The following NPIPB2 variants were observed in gnomAD, a reference collection of about 807,000 sequenced individuals.
NPIPB2 encodes nuclear pore complex-interacting protein family member B2.
In NPIPB2, 27 loss-of-function variants were observed where a neutral mutation model predicts 30.8. The ratio of observed to expected loss-of-function variants is 0.88; its 90% CI spans 0.65 to 1.21. NPIPB2 has a LOEUF of 1.21. Ranked by LOEUF, NPIPB2 falls within the 50% of genes most tolerant of loss-of-function variation. The probability of loss-of-function intolerance (pLI) is 0.00; values close to 1 mark genes in which losing one functional copy is unlikely to be tolerated. For missense variants in NPIPB2, 440 were observed against 446.2 expected (o/e 0.99, Z 0.13); for synonymous variants, 147 against 162.0 (o/e 0.91, Z 0.70).
At chr16:11,942,521 T>C (rs1408328786), upstream of NPIPB2, among the ~76,000 whole-genome samples, 1 of 151,804 alleles carries the variant, frequency 6.6e-6, no homozygotes, top group Non-Finnish European at 1.5e-5. Context: ...ATGATGTCCT[T>C]ATCTATATCA....
chr16:11,927,398 C>A, exon 8 of NPIPB2: 2 of 965,506 alleles, frequency 2.1e-6, no homozygotes, highest in East Asian at 2.6e-5. Flanking sequence ...ATGGCCTGTT[C>A]TCAGCTTACT....
chr16:11,973,164 A>G lies in NPIPB2; in HGVS notation c.-584+3404T>C, dbSNP rs534057731. On this transcript the variant is annotated intron_variant, in intron 1 of 5. Coordinates refer to the NPIPB2 transcript ENST00000538896. ...CTGGGCAACAAGAGTGAAACTGTCAAAAAAAAAAAAAAAAAAAAAAGACTC... is the reference window on the plus strand; with the variant it reads ...CTGGGCAACAAGAGTGAAACTGTCAGAAAAAAAAAAAAAAAAAAAAGACTC... Among the ~76,000 whole-genome samples the G allele has an allele frequency of 0.011, 80 of 7,246 alleles. 2 individuals carry two copies. The South Asian group carries it at 0.33, about 30-fold the overall frequency. The allele number at this position is 7,246 out of a possible 152,430, so 4.8% of individuals were successfully genotyped here.
upstream of NPIPB2, among the ~76,000 whole-genome samples, chr16:11,942,340 A>G (rs1243369825): frequency 1.3e-5 from 2 of 149,100 alleles, no homozygotes; most frequent in Non-Finnish European, 1.5e-5. Flanking sequence ...AGACATAAAC[A>G]TAAGAAAGAA....
Position 11,963,057 on chromosome 16 carries a change from AAAAC to A in NPIPB2, c.-584+13507_-584+13510del, listed in dbSNP as rs368234164. Among the ~76,000 whole-genome samples, 667 of 152,100 alleles carry A rather than the reference AAAAC, an allele frequency of 4.4e-3. 3 individuals carry two copies. The highest frequency in any genetic ancestry group is 0.014 in the African/African-American group (597 of 41,504). Reference sequence around the variant, plus strand: ...TGGCAACAGAGGGAGACTCCATCTCAAAACAAACAAACAAACAAACAAACAAATA... The same window carrying A: ...TGGCAACAGAGGGAGACTCCATCTCAAAACAAACAAACAAACAAACAAATA... On this transcript the variant is annotated intron_variant, in intron 1 of 5. Coordinates refer to the NPIPB2 transcript ENST00000538896.
chr16:11,946,922 G>A (rs1012595760), upstream of NPIPB2, among the ~76,000 whole-genome samples: 4 of 151,526 alleles, frequency 2.6e-5, no homozygotes, highest in South Asian at 8.3e-4. Flanking sequence ...GTTTCATCAT[G>A]TTGGCCAGGC....
chr16:11,945,870 C>G (rs1044597257), upstream of NPIPB2, among the ~76,000 whole-genome samples: 1 of 147,494 alleles, frequency 6.8e-6, no homozygotes, highest in African/African-American at 2.7e-5. Flanking sequence ...TTCTTTCTGT[C>G]TGTCTCATTT....
At chr16:11,957,152 T>G (rs914070099) in intron 1 of NPIPB2, among the ~76,000 whole-genome samples, 1 of 144,748 alleles carries the variant, frequency 6.9e-6, no homozygotes, top group Non-Finnish European at 1.5e-5. Flanking sequence ...CCACCACACC[T>G]GTCTAACTTT....
intron 1 of NPIPB2, among the ~76,000 whole-genome samples, chr16:11,956,677 A>G (rs2055115525): frequency 1.3e-5 from 2 of 152,116 alleles, no homozygotes; most frequent in Non-Finnish European, 2.9e-5. Flanking sequence ...CTCTGTCTCA[A>G]AAGAAAAGAA....
At position 11,941,984 on chromosome 16, in the gene NPIPB2, C is replaced by T. The variant is rs368653122; in HGVS notation, c.62G>A (p.Trp21Ter). 1.5e-5 allele frequency: 17 copies of T among 1,136,492 alleles called. No homozygotes were observed. The highest frequency in any genetic ancestry group is 1.0e-4 in the East Asian group (4 of 38,930). The allele number at this position is 1,136,492 out of a possible 1,614,324, so 70.4% of individuals were successfully genotyped here. The stretch of plus-strand genomic sequence containing the variant: ...AGGATGGCAGGAAGAACCTCATACC[C>T]AAGCAGAGTGCCAGGTTTTACAGCC... The change falls in exon 1 of 8, where the codon TGG becomes TAG. Residue 21 changes from tryptophan (W) to a stop codon, truncating the protein, a stop_gained and splice_region_variant. Coordinates refer to ENST00000399147, the Ensembl canonical transcript of NPIPB2. LOFTEE classifies it high-confidence loss of function.
At chr16:11,942,108 C>T, upstream of NPIPB2, 1 of 1,532,084 alleles carries the variant, frequency 6.5e-7, no homozygotes. Flanking sequence ...GCCATCTGTC[C>T]ATCAACCTGT....
chr16:11,969,497 C>A (rs146533088), intron 1 of NPIPB2, among the ~76,000 whole-genome samples: 64 of 152,292 alleles, frequency 4.2e-4, no homozygotes, highest in African/African-American at 1.5e-3. Flanking sequence ...CCTCGTGATC[C>A]ACCTGTCTTG....
chr16:11,953,905 A>C (rs2055089149), intron 1 of NPIPB2, among the ~76,000 whole-genome samples: 1 of 150,318 alleles, frequency 6.7e-6, no homozygotes, highest in East Asian at 2.0e-4. Context: ...CCAACTCCTG[A>C]CCTCAAGTGA....
chr16:11,927,509 T>C (rs2054741712), exon 8 of NPIPB2: 1 of 1,535,704 alleles, frequency 6.5e-7, no homozygotes, highest in Non-Finnish European at 8.8e-7. Flanking sequence ...CCTCCGCCTC[T>C]TGGGTTCGGG....
chr16:11,967,983 T>C (rs1033747503), intron 1 of NPIPB2: 4 of 962,264 alleles, frequency 4.2e-6, no homozygotes, highest in Non-Finnish European at 6.0e-6. Flanking sequence ...AAACTCTTTA[T>C]GTTAGATATA....
At chr16:11,932,262 A>G (rs1476164949) in intron 4 of NPIPB2, among the ~76,000 whole-genome samples, 1 of 152,114 alleles carries the variant, frequency 6.6e-6, no homozygotes, top group Non-Finnish European at 1.5e-5. Context: ...AGTATCTCAC[A>G]TTTAACAAAA....
At chr16:11,951,907 C>T (rs953068511) in intron 1 of NPIPB2, among the ~76,000 whole-genome samples, 1 of 152,196 alleles carries the variant, frequency 6.6e-6, no homozygotes, top group Non-Finnish European at 1.5e-5. Flanking sequence ...CGCCTGTAAT[C>T]CCAGCACTTT....
chr16:11,951,473 A>AAG (rs2150927651), intron 1 of NPIPB2, among the ~76,000 whole-genome samples: 1 of 149,766 alleles, frequency 6.7e-6, no homozygotes. Context: ...AAAAAAAAAA[A>AAG]AAAAGAAAGA....
intron 1 of NPIPB2, chr16:11,966,313 A>G: frequency 6.2e-7 from 1 of 1,613,524 alleles, no homozygotes; most frequent in African/African-American, 1.3e-5. Context: ...TAAACTCTGA[A>G]CCATTAAAGG....
intron 1 of NPIPB2, among the ~76,000 whole-genome samples, chr16:11,951,521 T>G (rs2055062967): frequency 7.5e-6 from 1 of 133,054 alleles, no homozygotes; most frequent in South Asian, 2.4e-4. Flanking sequence ...CAAAACAAAG[T>G]GAGGGCTAAT....
Sources: gnomAD v4.1 joint callset for allele counts (sites outside exome capture counted in the v4.1 genomes callset) on GRCh38, gnomAD v4.1.1 for gene constraint, MANE v1.5 for transcripts, NCBI Gene and HGNC (gene_info 2026-07-23, HGNC 2026-07-21) for gene names.